The following DLG1 variants were observed in gnomAD, a reference collection of about 807,000 sequenced individuals.
DLG1 encodes discs large MAGUK scaffold protein 1, also known as disks large homolog 1.
DLG1 carries 42 observed loss-of-function variants against 123.4 expected under a neutral mutation model. The observed-to-expected ratio is 0.34, with a 90% CI of 0.27 to 0.44. The LOEUF is 0.44. Among genes scored for constraint, DLG1 ranks in the 20% least tolerant of loss-of-function variants. DLG1 has a pLI of 1.00. For synonymous variants in DLG1, 317 were observed against 356.2 expected (o/e 0.89, Z 1.24); for missense variants, 942 against 1,082.6 (o/e 0.87, Z 1.82).
chr3:197,126,203 C>T (rs189675887), intron 11 of DLG1, among the ~76,000 whole-genome samples: 2 of 152,150 alleles, frequency 1.3e-5, no homozygotes, highest in Admixed American at 1.3e-4. Flanking sequence ...CAGCTGGGCT[C>T]GGTGGCTCAT....
intron 4 of DLG1, among the ~76,000 whole-genome samples, chr3:197,199,345 T>C (rs1464910831): frequency 6.6e-6 from 1 of 152,186 alleles, no homozygotes; most frequent in East Asian, 1.9e-4. Context: ...CACCAATATA[T>C]CACAAGTGAA....
At chr3:197,212,171 T>C (rs1400784157) in intron 4 of DLG1, among the ~76,000 whole-genome samples, 1 of 146,096 alleles carries the variant, frequency 6.8e-6, no homozygotes, top group Non-Finnish European at 1.5e-5. Flanking sequence ...TAATAATCTG[T>C]TCACCTATGT....
chr3:197,196,577 T>C (rs1390334940), intron 4 of DLG1, among the ~76,000 whole-genome samples: 1 of 152,186 alleles, frequency 6.6e-6, no homozygotes, highest in Non-Finnish European at 1.5e-5. Context: ...GGATATACTT[T>C]AGAAGAGATA....
chr3:197,116,226 C>A (rs947524428), intron 12 of DLG1, 143 bp from the exon 13 acceptor site: 2 of 628,076 alleles, frequency 3.2e-6, no homozygotes, highest in South Asian at 3.1e-5. Context: ...TCTAAAACTA[C>A]GAGATAAAGA....
chr3:197,102,866 C>CA (rs1317768095), intron 14 of DLG1, among the ~76,000 whole-genome samples: 3 of 151,888 alleles, frequency 2.0e-5, no homozygotes, highest in Non-Finnish European at 4.4e-5. Flanking sequence ...TTAAAACAAA[C>CA]AAAAAAAATT....
chr3:197,223,869 T>C (rs192183687), intron 4 of DLG1, among the ~76,000 whole-genome samples: 384 of 152,334 alleles, frequency 2.5e-3, no homozygotes, highest in Non-Finnish European at 4.5e-3. Context: ...AAATTTTGCA[T>C]CTATCAAAAT....
chr3:197,259,648 A>G (rs1047699063), intron 4 of DLG1, among the ~76,000 whole-genome samples: 1 of 152,202 alleles, frequency 6.6e-6, no homozygotes, highest in Admixed American at 6.5e-5. Flanking sequence ...CAATGTCTGC[A>G]AACTGGTGCT....
chr3:197,067,283 A>G (rs2148898743), intron 19 of DLG1, among the ~76,000 whole-genome samples: 1 of 152,130 alleles, frequency 6.6e-6, no homozygotes, highest in Middle Eastern at 3.4e-3. Context: ...TGAAAAATTC[A>G]CTAACTCAAC....
chr3:197,292,352 A>G (rs768213348), intron 3 of DLG1, among the ~76,000 whole-genome samples: 24 of 152,236 alleles, frequency 1.6e-4, no homozygotes, highest in Non-Finnish European at 2.5e-4. Flanking sequence ...ACTGAGTGAA[A>G]TAAGCCAGTC....
chr3:197,201,746 A>G (rs1725844030), intron 4 of DLG1, among the ~76,000 whole-genome samples: 1 of 152,164 alleles, frequency 6.6e-6, no homozygotes, highest in Non-Finnish European at 1.5e-5. Context: ...CACGTTGCCC[A>G]AAGCAATCTG....
At chr3:197,263,298 G>A (rs1394864152) in intron 4 of DLG1, among the ~76,000 whole-genome samples, 1 of 152,012 alleles carries the variant, frequency 6.6e-6, no homozygotes, top group Non-Finnish European at 1.5e-5. Context: ...AATCACTACG[G>A]CAAGTTAGAA....
At chr3:197,195,062 A>G (rs1314019182) in intron 4 of DLG1, among the ~76,000 whole-genome samples, 3 of 151,974 alleles carry the variant, frequency 2.0e-5, no homozygotes, top group Admixed American at 1.3e-4. Context: ...TCTCACACAC[A>G]CACACCTCTA....
At chr3:197,183,284 G>A (rs569104995) in intron 5 of DLG1, among the ~76,000 whole-genome samples, 182 of 152,242 alleles carry the variant, frequency 1.2e-3, no homozygotes, top group African/African-American at 4.2e-3. Context: ...CTAAAAAGGA[G>A]ATGAGCATTA....
rs549250529 is a variant in DLG1, at chr3:197,202,255, G to A, written c.319-7666C>T. Among the ~76,000 whole-genome samples, 113 of 152,244 alleles carry A rather than the reference G, an allele frequency of 7.4e-4. 2 individuals carry two copies. Among genetic ancestry groups the A allele is most frequent in the Non-Finnish European group, 4.0e-4 (27 of 68,022 alleles). ...ATATCTGCATTTCAAGTCTATCAAG[G>A]AAACACTGATTGCTGCATTCCTGAG... is the stretch of plus-strand genomic sequence containing the variant. On this transcript the variant is annotated intron_variant, in intron 4 of 24. Transcript: ENST00000667157.
intron 5 of DLG1, among the ~76,000 whole-genome samples, chr3:197,168,274 C>T (rs1454363101): frequency 6.6e-6 from 1 of 152,222 alleles, no homozygotes; most frequent in Non-Finnish European, 1.5e-5. Flanking sequence ...TAGGCCCCTG[C>T]CTCTTCCTTA....
chr3:197,048,876 C>T (rs369655548), intron 24 of DLG1, among the ~76,000 whole-genome samples: 1 of 152,082 alleles, frequency 6.6e-6, no homozygotes, highest in South Asian at 2.1e-4. Context: ...AGGCTGGTCT[C>T]GGACTCCTGA....
intron 4 of DLG1, among the ~76,000 whole-genome samples, chr3:197,281,890 C>T (rs1769538727): frequency 6.6e-6 from 1 of 152,186 alleles, no homozygotes; most frequent in Admixed American, 6.5e-5. Context: ...CATCTAACTT[C>T]TTTACCAAAG....
At chr3:197,148,835 T>C (rs532964261) in intron 6 of DLG1, among the ~76,000 whole-genome samples, 1 of 152,308 alleles carries the variant, frequency 6.6e-6, no homozygotes, top group South Asian at 2.1e-4. Context: ...TTAGACTCAA[T>C]CATTATCACG....
chr3:197,291,552 C>T (rs1309159420), intron 3 of DLG1, among the ~76,000 whole-genome samples: 1 of 152,006 alleles, frequency 6.6e-6, no homozygotes, highest in Non-Finnish European at 1.5e-5. Flanking sequence ...GATTACTAAC[C>T]CTAAAGATTG....
Sources: allele counts gnomAD v4.1 joint callset (sites outside exome capture counted in the v4.1 genomes callset), GRCh38; gene constraint gnomAD v4.1.1; transcripts MANE v1.5; gene names NCBI Gene and HGNC (gene_info 2026-07-23, HGNC 2026-07-21).